PLS1: variants seen among roughly 807,000 people sequenced by gnomAD.
PLS1 encodes plastin-1.
PLS1 carries 32 observed loss-of-function variants against 73.7 expected under a neutral mutation model. The ratio of observed to expected loss-of-function variants is 0.43; its 90% confidence interval spans 0.33 to 0.58. The LOEUF is 0.58. Ranked by LOEUF, PLS1 falls within the 20% of genes least tolerant of loss-of-function variation. The pLI, the probability that PLS1 is intolerant of heterozygous loss-of-function variation, is 0.04. For missense variants in PLS1, 633 were observed against 740.5 expected (o/e 0.85, Z 1.68); for synonymous variants, 217 against 261.3 (o/e 0.83, Z 1.63).
intron 1 of PLS1, among the ~76,000 whole-genome samples, chr3:142,662,930 C>T (rs528119068): frequency 8.5e-5 from 13 of 152,068 alleles, no homozygotes; most frequent in African/African-American, 1.4e-4. Context: ...AGAAGGGGGC[C>T]GGGCTCAGTG....
At chr3:142,605,228 A>G (rs2035997855) in intron 1 of PLS1, among the ~76,000 whole-genome samples, 1 of 152,208 alleles carries the variant, frequency 6.6e-6, no homozygotes, top group South Asian at 2.1e-4. Flanking sequence ...ATTGATGTTT[A>G]AAAAAGCTTT....
In PLS1 at chr3:142,684,225, A is replaced by T. The variant is rs757029938; in HGVS notation, c.746-28A>T. On this transcript the variant is annotated intron_variant, in intron 7 of 15. Coordinates refer to ENST00000457734, the MANE Select transcript of PLS1 (RefSeq NM_001145319.2). ...ATTGACATGTACTTGCTATGGGAAG[A>T]ATTTACATTTCGCTGTTTTGCCCTC... 1.9e-6 allele frequency: 3 copies of T among 1,613,824 alleles called. No homozygotes were observed. In the African/African-American group the frequency reaches 4.0e-5, roughly 22 times the overall value.
At chr3:142,666,966 A>G (rs774880419) in intron 2 of PLS1, among the ~76,000 whole-genome samples, 11 of 152,142 alleles carry the variant, frequency 7.2e-5, no homozygotes, top group Non-Finnish European at 1.5e-4. Flanking sequence ...CCCTTTGCCT[A>G]TTTTTGAATC....
rs989198881 is a variant in PLS1 at position 142,713,318 on chromosome 3, A to G, written c.*1311A>G. The G allele has an allele frequency of 3.4e-4, 52 of 152,740 alleles. 1 individual carries two copies. Among genetic ancestry groups the G allele is most frequent in the Middle Eastern group, 3.4e-3 (1 of 294 alleles). The allele number at this position is 152,740 out of a possible 1,614,324, so 9.5% of individuals were successfully genotyped here. On this transcript the variant is annotated 3_prime_UTR_variant, in exon 16 of 16. Transcript: ENST00000457734. ...AAAAATGTCACTTTATCTCAGTGTGAATGAGTAGTCTAAATTCCCTTTCTA... is the reference window on the plus strand; with the variant it reads ...AAAAATGTCACTTTATCTCAGTGTGGATGAGTAGTCTAAATTCCCTTTCTA...
chr3:142,697,252 A>C (rs899919046), intron 11 of PLS1, among the ~76,000 whole-genome samples: 1 of 152,152 alleles, frequency 6.6e-6, no homozygotes, highest in African/African-American at 2.4e-5. Context: ...CCTTCCTCTT[A>C]ACCCTCATTC....
At chr3:142,707,092 TAGAAC>T (rs1466272880) in intron 14 of PLS1, among the ~76,000 whole-genome samples, 3 of 152,170 alleles carry the variant, frequency 2.0e-5, no homozygotes, top group African/African-American at 7.2e-5. Context: ...TGGCTCTACT[TAGAAC>T]TGAGGTGGCA....
intron 4 of PLS1, among the ~76,000 whole-genome samples, chr3:142,674,195 C>A (rs1013682752): frequency 6.6e-6 from 1 of 152,072 alleles, no homozygotes; most frequent in Non-Finnish European, 1.5e-5. Flanking sequence ...TTTACAATTA[C>A]ACTAAAAAAT....
At chr3:142,704,323 G>T in intron 13 of PLS1, 140 bp from the exon 14 acceptor site, 1 of 673,468 alleles carries the variant, frequency 1.5e-6, no homozygotes, top group Non-Finnish European at 2.4e-6. Context: ...GAATGTAACT[G>T]GGTGCAAATG....
At position 142,675,690 on chromosome 3, in the gene PLS1, T is replaced by A. The variant is rs1321735068; in HGVS notation, c.365-467T>A. Among the ~76,000 whole-genome samples the A allele has an allele frequency of 2.0e-5, 3 of 151,984 alleles. No homozygotes were observed. In the East Asian group the frequency reaches 5.8e-4, roughly 29 times the overall value. On this transcript the variant is annotated intron_variant, in intron 4 of 15. Transcript: ENST00000457734. ...GTGAGCCACCGTGCTCCCCGTTTTT[T>A]TTTTTGAAAGGGTCTCTCTTTGTGG...
At chr3:142,635,341 G>A (rs575190831) in intron 1 of PLS1, among the ~76,000 whole-genome samples, 71 of 150,520 alleles carry the variant, frequency 4.7e-4, no homozygotes, top group African/African-American at 1.5e-3. Flanking sequence ...TAACCTTATC[G>A]ATAATCACAT....
At chr3:142,619,104 G>C (rs961007439) in intron 1 of PLS1, among the ~76,000 whole-genome samples, 4 of 152,162 alleles carry the variant, frequency 2.6e-5, no homozygotes, top group Non-Finnish European at 5.9e-5. Flanking sequence ...TTTCTAAATA[G>C]AAAACATTTC....
At chr3:142,631,251 C>T (rs147528726) in intron 1 of PLS1, among the ~76,000 whole-genome samples, 5 of 151,796 alleles carry the variant, frequency 3.3e-5, no homozygotes, top group East Asian at 1.9e-4. Context: ...TGGTGGCTCA[C>T]GCCTGTAATC....
intron 1 of PLS1, among the ~76,000 whole-genome samples, chr3:142,601,553 A>G (rs1359767904): frequency 6.6e-6 from 1 of 152,146 alleles, no homozygotes; most frequent in Non-Finnish European, 1.5e-5. Context: ...TTTTAAAAAC[A>G]GGGTTTCAGT....
intron 11 of PLS1, among the ~76,000 whole-genome samples, chr3:142,694,765 C>A (rs559675863): frequency 6.6e-6 from 1 of 152,240 alleles, no homozygotes; most frequent in East Asian, 1.9e-4. Context: ...ATACGTAAAT[C>A]AGTAAAGATA....
chr3:142,661,158 T>TA (rs566557265), intron 1 of PLS1, among the ~76,000 whole-genome samples: 1 of 152,116 alleles, frequency 6.6e-6, no homozygotes, highest in Non-Finnish European at 1.5e-5. Flanking sequence ...TTAACAATCC[T>TA]AAAAAAACTA....
At chr3:142,696,511 CCCA>C (rs964243294) in intron 11 of PLS1, among the ~76,000 whole-genome samples, 4 of 151,976 alleles carry the variant, frequency 2.6e-5, no homozygotes, top group African/African-American at 9.7e-5. Flanking sequence ...TATTCCTAAA[CCCA>C]CCCCCAAGAA....
At chr3:142,672,794 T>C (rs1358095230) in intron 4 of PLS1, among the ~76,000 whole-genome samples, 2 of 152,202 alleles carry the variant, frequency 1.3e-5, no homozygotes, top group Non-Finnish European at 2.9e-5. Context: ...TACCATGGAA[T>C]ACATTTTTAA....
chr3:142,604,375 T>G (rs563969104), intron 1 of PLS1, among the ~76,000 whole-genome samples: 4 of 152,234 alleles, frequency 2.6e-5, no homozygotes, highest in Non-Finnish European at 5.9e-5. Context: ...CTGAATTCTT[T>G]CCTGGCGGTC....
At chr3:142,616,504 C>A (rs1039613402) in intron 1 of PLS1, among the ~76,000 whole-genome samples, 3 of 152,090 alleles carry the variant, frequency 2.0e-5, no homozygotes, top group Non-Finnish European at 4.4e-5. Context: ...CAACAACAGG[C>A]CATTTGACTG....
Sources: allele counts gnomAD v4.1 joint callset (sites outside exome capture counted in the v4.1 genomes callset), GRCh38; gene constraint gnomAD v4.1.1; transcripts MANE v1.5; gene names NCBI Gene and HGNC (gene_info 2026-07-23, HGNC 2026-07-21).